The following CHL1 variants were observed in gnomAD, a reference collection of about 807,000 sequenced individuals.
The protein encoded by CHL1 is cell adhesion molecule L1 like, also known as neural cell adhesion molecule L1-like protein.
In CHL1, 96 loss-of-function variants were observed where a neutral mutation model predicts 141.9. The observed-to-expected ratio is 0.68, with a 90% CI of 0.57 to 0.80. The LOEUF is 0.80. Among genes scored for constraint, CHL1 ranks in the 30% least tolerant of loss-of-function variants. CHL1 has a pLI of 0.00. For missense variants in CHL1, 1,820 were observed against 1,457.2 expected, an observed-to-expected ratio of 1.25 and a Z score of -4.05; for synonymous variants, 613 against 502.2, an observed-to-expected ratio of 1.22 and a Z score of -2.95.
chr3:361,437 C>A (rs1704237215), intron 12 of CHL1, among the ~76,000 whole-genome samples: 2 of 148,368 alleles, frequency 1.3e-5, no homozygotes, highest in East Asian at 2.0e-4. Context: ...AACAGGCAAC[C>A]TACAAAATGG....
At chr3:255,747 T>C (rs778835592) in intron 2 of CHL1, among the ~76,000 whole-genome samples, 28 of 152,222 alleles carry the variant, frequency 1.8e-4, no homozygotes, top group Non-Finnish European at 2.9e-4. Flanking sequence ...CGCCTTTGAC[T>C]GCCTATTGCC....
At chr3:384,927 A>G (rs1241480791) in intron 19 of CHL1, among the ~76,000 whole-genome samples, 1 of 152,210 alleles carries the variant, frequency 6.6e-6, no homozygotes, top group Non-Finnish European at 1.5e-5. Flanking sequence ...TATTTAGTCA[A>G]TATTTTTTAG....
chr3:399,727 G>A (rs1051010184), intron 26 of CHL1, among the ~76,000 whole-genome samples: 11 of 152,270 alleles, frequency 7.2e-5, no homozygotes, highest in South Asian at 2.1e-4. Context: ...TATCAGCGTC[G>A]TTGAGAGACA....
At chr3:333,319 T>A (rs573893286) in intron 5 of CHL1, among the ~76,000 whole-genome samples, 1 of 151,974 alleles carries the variant, frequency 6.6e-6, no homozygotes, top group Non-Finnish European at 1.5e-5. Context: ...CTTCCTACAA[T>A]CTTTAATCGA....
chr3:255,676 A>G (rs977364693), intron 2 of CHL1, among the ~76,000 whole-genome samples: 1 of 152,212 alleles, frequency 6.6e-6, no homozygotes, highest in African/African-American at 2.4e-5. Flanking sequence ...GTGTACTTCA[A>G]GCTTTATTTT....
chr3:232,468 AT>A (rs1701951912), intron 1 of CHL1, among the ~76,000 whole-genome samples: 1 of 152,132 alleles, frequency 6.6e-6, no homozygotes, highest in Non-Finnish European at 1.5e-5. Context: ...AGCCTACTTT[AT>A]TTTTTGAACG....
chr3:342,201 C>A, intron 7 of CHL1, 119 bp downstream of exon 7: 3 of 756,600 alleles, frequency 4.0e-6, no homozygotes, highest in Non-Finnish European at 6.1e-6. Context: ...TGCAGTTCAA[C>A]TCTGGAGACT....
At chr3:231,760 AG>A (rs1485137598) in intron 1 of CHL1, among the ~76,000 whole-genome samples, 1 of 151,888 alleles carries the variant, frequency 6.6e-6, no homozygotes, top group African/African-American at 2.4e-5. Context: ...TATTTTTAGT[AG>A]AGACGGGGTT....
At chr3:285,229 T>G (rs1426765481) in intron 2 of CHL1, among the ~76,000 whole-genome samples, 1 of 152,202 alleles carries the variant, frequency 6.6e-6, no homozygotes, top group East Asian at 1.9e-4. Context: ...CAGAATTCTG[T>G]AAAGGGAAGA....
chr3:243,819 C>A (rs1378835818), intron 1 of CHL1, among the ~76,000 whole-genome samples: 1 of 152,146 alleles, frequency 6.6e-6, no homozygotes, highest in Non-Finnish European at 1.5e-5. Flanking sequence ...TGGAATTTAG[C>A]TCTTCTGAAT....
rs185465564 is a variant in CHL1, at chr3:204,631, C to A, written c.-175+7568C>A. 1.4e-4 allele frequency among the ~76,000 whole-genome samples: 22 copies of A among 152,172 alleles called. 1 individual carries two copies. The East Asian group carries it at 4.2e-3, about 29-fold the overall frequency. ...AACCTTGCTAAAAACTGTAAAGTGACAGAATATTAGCTTATTATGGGATGC... is the reference window on the plus strand; with the variant it reads ...AACCTTGCTAAAAACTGTAAAGTGAAAGAATATTAGCTTATTATGGGATGC... On this transcript the variant is annotated intron_variant, in intron 1 of 27. Transcript: ENST00000256509.
chr3:352,411 A>G (rs1703348176), intron 10 of CHL1, among the ~76,000 whole-genome samples: 1 of 152,188 alleles, frequency 6.6e-6, no homozygotes, highest in African/African-American at 2.4e-5. Flanking sequence ...TGCTTAATAT[A>G]TAGTCCCAAT....
rs1393687825 is a variant in CHL1, at chr3:383,555, C to G, written c.2177-261C>G. On this transcript the variant is annotated intron_variant, in intron 18 of 27. Transcript: ENST00000256509. ...GTTTTAAAAATTTTAAAAGCAGATT[C>G]AAAATTAAGACACATATACTAAACC... Among the ~76,000 whole-genome samples, 3 of 152,026 alleles carry G rather than the reference C, an allele frequency of 2.0e-5. No individual in the cohort carries two copies. The East Asian group carries it at 5.8e-4, about 29-fold the overall frequency.
At chr3:314,616 T>C (rs1700026168) in intron 2 of CHL1, among the ~76,000 whole-genome samples, 1 of 151,896 alleles carries the variant, frequency 6.6e-6, no homozygotes, top group South Asian at 2.1e-4. Flanking sequence ...TCATCTAGGA[T>C]GGCTGCCATT....
At chr3:198,284 G>A (rs1269476311) in intron 1 of CHL1, among the ~76,000 whole-genome samples, 4 of 151,986 alleles carry the variant, frequency 2.6e-5, no homozygotes, top group African/African-American at 9.7e-5. Flanking sequence ...GTCCAGTCCC[G>A]CTCGTGGGAG....
At chr3:302,862 T>C (rs920688179) in intron 2 of CHL1, among the ~76,000 whole-genome samples, 6 of 152,164 alleles carry the variant, frequency 3.9e-5, no homozygotes, top group African/African-American at 1.4e-4. Context: ...TCTTCTAGAG[T>C]TTTTATGGTC....
chr3:201,139 A>G (rs1238016025), intron 1 of CHL1, among the ~76,000 whole-genome samples: 7 of 152,212 alleles, frequency 4.6e-5, no homozygotes, highest in South Asian at 4.1e-4. Flanking sequence ...AGGAAGCTCA[A>G]TGAATGAGTT....
At chr3:325,898 A>G (rs1204251710) in intron 3 of CHL1, 61 bp from the exon 4 acceptor site, 16 of 1,128,762 alleles carry the variant, frequency 1.4e-5, no homozygotes, top group African/African-American at 3.1e-5. Context: ...TGTTTTCGCT[A>G]TAGATTAACC....
intron 1 of CHL1, among the ~76,000 whole-genome samples, chr3:222,088 TAC>T (rs1251501053): frequency 1.6e-4 from 25 of 152,236 alleles, no homozygotes; most frequent in African/African-American, 6.0e-4. Context: ...AGTTCTTAAC[TAC>T]ACATTTCTAT....
Sources: allele counts gnomAD v4.1 joint callset (sites outside exome capture counted in the v4.1 genomes callset), GRCh38; gene constraint gnomAD v4.1.1; transcripts MANE v1.5; gene names NCBI Gene and HGNC (gene_info 2026-07-23, HGNC 2026-07-21).